The following ARHGAP10 variants were observed in gnomAD, a reference collection of about 807,000 sequenced individuals.
ARHGAP10 encodes Rho GTPase activating protein 10.
A neutral mutation model predicts 108.6 loss-of-function variants in ARHGAP10; 87 were observed. The ratio of observed to expected loss-of-function variants is 0.80; its 90% CI spans 0.67 to 0.96. ARHGAP10 has a LOEUF of 0.96. ARHGAP10 is among the 40% of genes least tolerant of loss of function. ARHGAP10 has a pLI of 0.00. For synonymous variants in ARHGAP10, 347 were observed against 341.1 expected, an observed-to-expected ratio of 1.02 and a Z score of -0.19; for missense variants, 939 against 954.5, an observed-to-expected ratio of 0.98 and a Z score of 0.21.
At chr4:147,739,149 T>C (rs990904686) in intron 1 of ARHGAP10, among the ~76,000 whole-genome samples, 1 of 145,762 alleles carries the variant, frequency 6.9e-6, no homozygotes, top group African/African-American at 2.6e-5. Context: ...ATCACGCCAT[T>C]GCACTCCAGC....
Position 147,969,345 on chromosome 4 carries a change from T to TTTTTTTTTTG in ARHGAP10, c.1716+2506_1716+2507insTTTTTTTTTG. 1.5e-5 allele frequency among the ~76,000 whole-genome samples: 2 copies of TTTTTTTTTTG among 129,158 alleles called. 1 individual carries two copies. The highest frequency in any genetic ancestry group is 6.6e-5 in the African/African-American group (2 of 30,470). 84.7% of individuals were successfully genotyped at this position (129,158 alleles called of 152,430 possible). On this transcript the variant is annotated intron_variant, in intron 18 of 22. Transcript: ENST00000336498. ...TTGCCTTTTTTTTTTTTTTTTTTTT[T>TTTTTTTTTTG]GCCAGTGGTGGTGAATTTATGCCTC...
chr4:147,960,252 A>G (rs529136315), intron 16 of ARHGAP10, among the ~76,000 whole-genome samples: 2 of 152,228 alleles, frequency 1.3e-5, no homozygotes, highest in African/African-American at 4.8e-5. Flanking sequence ...TTAATGATAT[A>G]ATATGATTTG....
At chr4:147,962,891 C>T (rs183926784) in intron 16 of ARHGAP10, among the ~76,000 whole-genome samples, 4 of 152,246 alleles carry the variant, frequency 2.6e-5, no homozygotes, top group African/African-American at 9.6e-5. Flanking sequence ...GAACTCCTGA[C>T]CTCAAGGGAT....
At chr4:148,061,150 T>C (rs936616255) in intron 20 of ARHGAP10, among the ~76,000 whole-genome samples, 3 of 151,988 alleles carry the variant, frequency 2.0e-5, no homozygotes, top group Non-Finnish European at 4.4e-5. Flanking sequence ...CCTATAAAAT[T>C]TATGCTCTTT....
At chr4:147,733,346 C>T (rs1379043598) in intron 1 of ARHGAP10, among the ~76,000 whole-genome samples, 1 of 152,198 alleles carries the variant, frequency 6.6e-6, no homozygotes, top group Admixed American at 6.5e-5. Context: ...GAATTAGCCC[C>T]AGTGAGGAGC....
chr4:148,023,117 C>T, intron 18 of ARHGAP10, 146 bp from the exon 19 acceptor site: 1 of 776,890 alleles, frequency 1.3e-6, no homozygotes, highest in Non-Finnish European at 1.9e-6. Flanking sequence ...GCTATGACCT[C>T]TTCCCTTCAT....
Position 148,072,409 on chromosome 4 carries a change from GGC to G in ARHGAP10, c.*329_*330del. 3.6e-6 allele frequency: 1 copy of G among 276,566 alleles called. No homozygotes were observed. Among genetic ancestry groups the G allele is most frequent in the Non-Finnish European group, 6.7e-6 (1 of 148,346 alleles). The allele number at this position is 276,566 out of a possible 1,614,324, so 17.1% of individuals were successfully genotyped here. ...TTCTGCCACCTGTGTCGCCTCCACT[GGC>G]AGTCACGCCACCAGAGCCACCCTGG... On this transcript the variant is annotated 3_prime_UTR_variant, in exon 23 of 23. Transcript: ENST00000336498.
rs188139447 is a variant in ARHGAP10, at chr4:147,736,716, G to A, written c.154+4261G>A. On this transcript the variant is annotated intron_variant, in intron 1 of 22. Coordinates refer to ENST00000336498, the MANE Select transcript of ARHGAP10 (RefSeq NM_024605.4). ...TAATCTAACTCAGTGGTTCTCAATC[G>A]TAGCTGCTCAATAAAATCACCTGGG... 2.3e-4 allele frequency among the ~76,000 whole-genome samples: 35 copies of A among 152,278 alleles called. No homozygotes were observed. The East Asian group carries it at 6.0e-3, about 26-fold the overall frequency.
At chr4:148,064,384 A>G (rs759313593) in intron 21 of ARHGAP10, 32 bp from the exon 22 acceptor site, 107 of 1,599,344 alleles carry the variant, frequency 6.7e-5, no homozygotes, top group Non-Finnish European at 8.5e-5. Flanking sequence ...CCACATTTTC[A>G]TTGGTGTCTT....
At chr4:147,791,342 C>G (rs1560760351) in intron 1 of ARHGAP10, among the ~76,000 whole-genome samples, 1 of 151,898 alleles carries the variant, frequency 6.6e-6, no homozygotes. Flanking sequence ...AAACTCCTAG[C>G]CTCAGGTGAT....
At chr4:148,001,271 G>A (rs1578777436) in intron 18 of ARHGAP10, among the ~76,000 whole-genome samples, 3 of 152,208 alleles carry the variant, frequency 2.0e-5, no homozygotes, top group East Asian at 3.9e-4. Flanking sequence ...TCATTGGTCT[G>A]TATCTCTGTT....
At position 147,732,410 on chromosome 4, in the gene ARHGAP10, A is replaced by G. The variant is rs1728250648; in HGVS notation, c.109A>G (p.Lys37Glu). ...ACTCGAGAGGACCAACAAGTTCATC[A>G]AAGAGCTCATTAAGGACGGGAAGAA... is the stretch of plus-strand genomic sequence containing the variant. Reference protein sequence around the residue: ...AELERTNKFIKELIKDGKNLI... With the variant: ...AELERTNKFIEELIKDGKNLI... Residue 37 changes from lysine (K) to glutamate (E), a missense_variant, in exon 1 of 23, where the codon AAA (lysine) becomes GAA (glutamate). Coordinates refer to ENST00000336498, the MANE Select transcript of ARHGAP10 (RefSeq NM_024605.4). The G allele has an allele frequency of 6.2e-7, 1 of 1,613,074 alleles. No individual in the cohort carries two copies. The highest frequency in any genetic ancestry group is 1.3e-5 in the African/African-American group (1 of 74,872).
In ARHGAP10 at chr4:148,017,091, G is replaced by A. The variant is rs571035496; in HGVS notation, c.1717-6172G>A. ...AATCGCCTTTTATGGAGACTTCATT[G>A]GATGGGCATGATTGATCATCAAGCA... On this transcript the variant is annotated intron_variant, in intron 18 of 22. Transcript: ENST00000336498. 2.6e-5 allele frequency among the ~76,000 whole-genome samples: 4 copies of A among 151,778 alleles called. No homozygotes were observed. The East Asian group carries it at 7.8e-4, about 29-fold the overall frequency.
Position 147,966,837 on chromosome 4 carries a change from A to G in ARHGAP10, c.1714A>G (p.Lys572Glu). The change falls in exon 18 of 23, where the codon AAG (lysine) becomes GAG (glutamate). Residue 572 changes from lysine to glutamate, a missense_variant and splice_region_variant. Transcript: ENST00000336498. The part of the protein sequence containing the change: ...VVEILIENHE[K>E]IFRTPPDTTF... ...GGAAATCTTAATTGAAAACCATGAA[A>G]AGGTAAAATTTTTTTTTTCTTTAAG... The G allele has an allele frequency of 1.9e-6, 3 of 1,569,100 alleles. No homozygotes were observed. The highest frequency in any genetic ancestry group is 1.2e-5 in the South Asian group (1 of 84,274).
intron 7 of ARHGAP10, among the ~76,000 whole-genome samples, chr4:147,872,480 C>T (rs191380518): frequency 2.0e-5 from 3 of 152,286 alleles, no homozygotes; most frequent in South Asian, 2.1e-4. Context: ...TATATAAACA[C>T]GTGTGCTCTG....
intron 16 of ARHGAP10, among the ~76,000 whole-genome samples, chr4:147,961,039 A>G (rs1738971048): frequency 6.6e-6 from 1 of 152,128 alleles, no homozygotes; most frequent in African/African-American, 2.4e-5. Flanking sequence ...ATGAGCATTT[A>G]TGTGCATTTT....
chr4:147,779,429 TG>T (rs2126727854), intron 1 of ARHGAP10, among the ~76,000 whole-genome samples: 1 of 152,228 alleles, frequency 6.6e-6, no homozygotes, highest in Admixed American at 6.5e-5. Context: ...AGAATATTAT[TG>T]GCATCTCCTT....
At chr4:147,813,300 T>C (rs2126774874) in intron 1 of ARHGAP10, among the ~76,000 whole-genome samples, 1 of 152,320 alleles carries the variant, frequency 6.6e-6, no homozygotes, top group South Asian at 2.1e-4. Context: ...AGGACACTGC[T>C]CTGCCCACAG....
chr4:147,844,775 A>C (rs1193877447), intron 3 of ARHGAP10, among the ~76,000 whole-genome samples: 1 of 152,068 alleles, frequency 6.6e-6, no homozygotes, highest in Non-Finnish European at 1.5e-5. Context: ...CTTCATTTGA[A>C]CCACCGCCAT....
Sources: gnomAD v4.1 joint callset for allele counts (sites outside exome capture counted in the v4.1 genomes callset) on GRCh38, gnomAD v4.1.1 for gene constraint, MANE v1.5 for transcripts, NCBI Gene and HGNC (gene_info 2026-07-23, HGNC 2026-07-21) for gene names.